KIAA1328: variants seen among roughly 807,000 people sequenced by gnomAD.
KIAA1328 encodes KIAA1328.
KIAA1328 carries 52 observed loss-of-function variants against 68.1 expected under a neutral mutation model. The ratio of observed to expected loss-of-function variants is 0.76; its 90% CI spans 0.61 to 0.96. KIAA1328 has a LOEUF of 0.96. Among genes scored for constraint, KIAA1328 ranks in the 40% least tolerant of loss-of-function variants. The probability of loss-of-function intolerance (pLI) is 0.00; values close to 1 mark genes in which losing one functional copy is unlikely to be tolerated. For missense variants in KIAA1328, 641 were observed against 677.6 expected, an observed-to-expected ratio of 0.95 and a Z score of 0.60; for synonymous variants, 232 against 239.4, an observed-to-expected ratio of 0.97 and a Z score of 0.28.
At chr18:36,931,040 A>G (rs1350444317) in intron 5 of KIAA1328, among the ~76,000 whole-genome samples, 2 of 152,006 alleles carry the variant, frequency 1.3e-5, no homozygotes, top group East Asian at 1.9e-4. Flanking sequence ...GTCATTCAGT[A>G]TATTCCTCCA....
intron 5 of KIAA1328, 35 bp from the exon 6 acceptor site, chr18:36,959,272 AT>A: frequency 6.5e-7 from 1 of 1,531,354 alleles, no homozygotes; most frequent in Non-Finnish European, 8.7e-7. Flanking sequence ...GTTTGAATCA[AT>A]TTTTCAGTTT....
intron 1 of KIAA1328, among the ~76,000 whole-genome samples, chr18:36,831,531 G>A (rs928487383): frequency 6.6e-6 from 1 of 152,128 alleles, no homozygotes; most frequent in African/African-American, 2.4e-5. Flanking sequence ...TGTTTCAGCA[G>A]TACCTAAATT....
At chr18:37,104,693 C>A (rs1599283421) in intron 7 of KIAA1328, among the ~76,000 whole-genome samples, 1 of 152,212 alleles carries the variant, frequency 6.6e-6, no homozygotes, top group East Asian at 1.9e-4. Context: ...TGATTGATAT[C>A]CTAAATACCC....
intron 6 of KIAA1328, among the ~76,000 whole-genome samples, chr18:37,046,573 T>G (rs529483812): frequency 7.2e-5 from 11 of 152,338 alleles, no homozygotes; most frequent in Non-Finnish European, 1.3e-4. Flanking sequence ...AAGGTCATCT[T>G]TTTTTGCTTA....
At chr18:37,230,697 A>C (rs1315499902), downstream of KIAA1328, 1 of 152,018 alleles carries the variant, frequency 6.6e-6, no homozygotes, top group Non-Finnish European at 1.5e-5. Flanking sequence ...CCTTTGGACT[A>C]CTCCAGCCTT....
At chr18:37,029,272 C>G (rs776851551) in intron 6 of KIAA1328, among the ~76,000 whole-genome samples, 19 of 151,900 alleles carry the variant, frequency 1.3e-4, no homozygotes, top group Non-Finnish European at 2.1e-4. Flanking sequence ...AGGAATTTAT[C>G]CATTTCTTCT....
chr18:37,022,042 A>T (rs2054367278), intron 6 of KIAA1328, among the ~76,000 whole-genome samples: 1 of 151,942 alleles, frequency 6.6e-6, no homozygotes, highest in Admixed American at 6.6e-5. Flanking sequence ...TCTGTCTCAT[A>T]AATTAATTAA....
intron 8 of KIAA1328, among the ~76,000 whole-genome samples, chr18:37,166,037 A>ATTTTT (rs1157622407): frequency 7.3e-6 from 1 of 136,122 alleles, no homozygotes; most frequent in Non-Finnish European, 1.6e-5. Context: ...TGGGGTGGTA[A>ATTTTT]TTTTTTTTTT....
At chr18:36,889,318 A>G (rs1409036400) in intron 5 of KIAA1328, among the ~76,000 whole-genome samples, 2 of 152,232 alleles carry the variant, frequency 1.3e-5, no homozygotes, top group Admixed American at 1.3e-4. Context: ...TACAATAACA[A>G]TAATTCTGAA....
At chr18:37,086,375 TA>T (rs1231120294) in intron 7 of KIAA1328, among the ~76,000 whole-genome samples, 1 of 152,234 alleles carries the variant, frequency 6.6e-6, no homozygotes, top group Non-Finnish European at 1.5e-5. Flanking sequence ...AATTACAATT[TA>T]CAAGATATCC....
intron 9 of KIAA1328, among the ~76,000 whole-genome samples, chr18:37,179,017 C>T (rs1162403864): frequency 6.6e-6 from 1 of 152,156 alleles, no homozygotes; most frequent in Non-Finnish European, 1.5e-5. Context: ...TTCTCCCATT[C>T]TGCAGGTTGT....
intron 7 of KIAA1328, among the ~76,000 whole-genome samples, chr18:37,127,650 A>G (rs958300495): frequency 2.0e-5 from 3 of 152,204 alleles, no homozygotes; most frequent in Admixed American, 6.5e-5. Flanking sequence ...TAAGATGTCA[A>G]TTCTCTAACA....
chr18:36,864,896 T>C (rs2047694904), intron 4 of KIAA1328, among the ~76,000 whole-genome samples: 1 of 152,044 alleles, frequency 6.6e-6, no homozygotes, highest in Admixed American at 6.5e-5. Flanking sequence ...AGTTAATGAC[T>C]TCAGGATCTG....
At chr18:36,896,823 G>T (rs1044277582) in intron 5 of KIAA1328, among the ~76,000 whole-genome samples, 1 of 152,052 alleles carries the variant, frequency 6.6e-6, no homozygotes, top group Admixed American at 6.6e-5. Flanking sequence ...AGGGCTATCT[G>T]ATGTACTCTT....
chr18:37,165,439 G>A (rs1192863807), intron 8 of KIAA1328, among the ~76,000 whole-genome samples: 1 of 151,284 alleles, frequency 6.6e-6, no homozygotes, highest in Non-Finnish European at 1.5e-5. Flanking sequence ...ATTTTTTTGA[G>A]AAGCAGTCTT....
chr18:37,189,676 A>G (rs1032659353), intron 9 of KIAA1328, among the ~76,000 whole-genome samples: 8 of 152,200 alleles, frequency 5.3e-5, no homozygotes, highest in African/African-American at 1.9e-4. Context: ...GGCACCCAGC[A>G]TTCACCTCAT....
intron 7 of KIAA1328, among the ~76,000 whole-genome samples, chr18:37,148,773 G>C (rs2058963414): frequency 6.6e-6 from 1 of 152,160 alleles, no homozygotes; most frequent in South Asian, 2.1e-4. Context: ...CTTCTTTTGA[G>C]AAGTGTGTAT....
intron 6 of KIAA1328, among the ~76,000 whole-genome samples, chr18:37,016,633 T>A (rs1482473181): frequency 6.6e-6 from 1 of 152,168 alleles, no homozygotes; most frequent in Non-Finnish European, 1.5e-5. Context: ...TATTACTGAT[T>A]CAATTTCAAA....
rs529811815 is a variant in KIAA1328, at chr18:37,174,783, C to T, written c.1523+1702C>T. 5.3e-5 allele frequency among the ~76,000 whole-genome samples: 8 copies of T among 151,790 alleles called. No individual in the cohort carries two copies. In the South Asian group the frequency reaches 8.3e-4, roughly 16 times the overall value. On this transcript the variant is annotated intron_variant, in intron 9 of 9. Transcript: ENST00000280020. Reference sequence around the variant, plus strand: ...TAATTTTTTGTATTTTTAGTAGAGACGGGGTTTCACTGTGTTAGCCAGGAT... The same window carrying T: ...TAATTTTTTGTATTTTTAGTAGAGATGGGGTTTCACTGTGTTAGCCAGGAT...
Sources: allele counts gnomAD v4.1 joint callset (sites outside exome capture counted in the v4.1 genomes callset), GRCh38; gene constraint gnomAD v4.1.1; transcripts MANE v1.5; gene names NCBI Gene and HGNC (gene_info 2026-07-23, HGNC 2026-07-21).